Variants in DIP2C observed in about 807,000 individuals in gnomAD.
DIP2C encodes disco-interacting protein 2 homolog C.
Under a neutral mutation model 192.4 loss-of-function variants are expected in DIP2C, and 33 were observed. The ratio of observed to expected loss-of-function variants is 0.17; its 90% CI spans 0.13 to 0.23. The LOEUF (loss-of-function observed/expected upper bound fraction) is 0.23. DIP2C is among the 10% of genes least tolerant of loss of function. The probability of loss-of-function intolerance (pLI) is 1.00; values close to 1 mark genes in which losing one functional copy is unlikely to be tolerated. For missense variants in DIP2C, 1,537 were observed against 2,110.1 expected, an observed-to-expected ratio of 0.73 and a Z score of 5.32; for synonymous variants, 979 against 864.1, an observed-to-expected ratio of 1.13 and a Z score of -2.33.
chr10:527,595 CAG>C (rs1847128037), intron 1 of DIP2C, among the ~76,000 whole-genome samples: 2 of 152,080 alleles, frequency 1.3e-5, no homozygotes, highest in African/African-American at 4.8e-5. Flanking sequence ...GTCAAATAAC[CAG>C]AGATGTAAAT....
chr10:588,728 G>T (rs377259724), intron 1 of DIP2C, among the ~76,000 whole-genome samples: 1 of 152,186 alleles, frequency 6.6e-6, no homozygotes, highest in Non-Finnish European at 1.5e-5. Context: ...AGGCGGGGAG[G>T]GTGGTGCCTG....
chr10:617,813 G>A (rs973882712), intron 1 of DIP2C, among the ~76,000 whole-genome samples: 2 of 151,848 alleles, frequency 1.3e-5, no homozygotes, highest in South Asian at 2.1e-4. Flanking sequence ...AGGCTCTGGT[G>A]GGTAACCGCC....
intron 17 of DIP2C, among the ~76,000 whole-genome samples, chr10:377,145 T>TG (rs1394741882): frequency 2.0e-5 from 3 of 151,730 alleles, no homozygotes; most frequent in Admixed American, 6.6e-5. Context: ...AGCGCAGTTT[T>TG]TTTTTTTTTT....
At chr10:471,341 A>C (rs1468911087) in intron 3 of DIP2C, among the ~76,000 whole-genome samples, 1 of 152,170 alleles carries the variant, frequency 6.6e-6, no homozygotes, top group Non-Finnish European at 1.5e-5. Context: ...AGAAGCAGCT[A>C]ATCACATGAG....
Position 651,235 on chromosome 10 carries a change from G to A in DIP2C, c.85+38259C>T. On this transcript the variant is annotated intron_variant, in intron 1 of 36. Coordinates refer to ENST00000280886, the MANE Select transcript of DIP2C (RefSeq NM_014974.3). This position sits in a 1 kb window ranked among gnomAD's most constrained non-coding sequence, Gnocchi z 4.1. Reference sequence around the variant, plus strand: ...TCCTCACCTGCATCACACCAATGATGGCGTCACAGCGTGGGTTCCGGTCAC... The same window carrying A: ...TCCTCACCTGCATCACACCAATGATAGCGTCACAGCGTGGGTTCCGGTCAC... The A allele has an allele frequency of 1.4e-6, 1 of 716,716 alleles. No individual in the cohort carries two copies. The allele number at this position is 716,716 out of a possible 1,614,324, so 44.4% of individuals were successfully genotyped here. A position where few individuals can be genotyped will look rare whatever the true frequency, so the allele number is the denominator to read the frequency against.
At chr10:343,780 G>A (rs1589546402) in intron 28 of DIP2C, among the ~76,000 whole-genome samples, 1 of 152,350 alleles carries the variant, frequency 6.6e-6, no homozygotes, top group South Asian at 2.1e-4. Flanking sequence ...TCTAGGTGGA[G>A]AATTCAGTTC....
intron 9 of DIP2C, among the ~76,000 whole-genome samples, chr10:406,718 C>T (rs987551322): frequency 1.3e-5 from 2 of 152,082 alleles, no homozygotes; most frequent in African/African-American, 4.8e-5. Context: ...AAATTAGCTA[C>T]AAGATTAGAA....
At chr10:461,183 C>T (rs1969744407) in intron 3 of DIP2C, among the ~76,000 whole-genome samples, 2 of 152,184 alleles carry the variant, frequency 1.3e-5, no homozygotes, top group Admixed American at 6.5e-5. Context: ...ATGACAGGAT[C>T]GAATTCACAC....
chr10:305,702 C>T (rs1206419684), intron 32 of DIP2C, among the ~76,000 whole-genome samples: 1 of 152,120 alleles, frequency 6.6e-6, no homozygotes, highest in Non-Finnish European at 1.5e-5. Flanking sequence ...TGGAGTGCAG[C>T]GGTGTGATCA....
chr10:300,571 T>G (rs1365216472), intron 32 of DIP2C, among the ~76,000 whole-genome samples: 2 of 151,740 alleles, frequency 1.3e-5, no homozygotes, highest in Admixed American at 6.6e-5. Context: ...CCTGCGTGTG[T>G]GGAGAAACCG....
chr10:485,619 G>C (rs535616134), intron 2 of DIP2C, among the ~76,000 whole-genome samples: 4 of 152,184 alleles, frequency 2.6e-5, no homozygotes, highest in Non-Finnish European at 5.9e-5. Context: ...AACAGGACCC[G>C]GACGGGCCTC....
At chr10:624,206 G>A (rs117992888) in intron 1 of DIP2C, among the ~76,000 whole-genome samples, 4,035 of 152,292 alleles carry the variant, frequency 0.026, 91 homozygotes, top group South Asian at 0.043. Context: ...GGTCCCAAGC[G>A]GGGAAGGCCT....
At chr10:546,991 T>C (rs1848317840) in intron 1 of DIP2C, among the ~76,000 whole-genome samples, 1 of 152,222 alleles carries the variant, frequency 6.6e-6, no homozygotes, top group Non-Finnish European at 1.5e-5. Flanking sequence ...TGGCAGAGTT[T>C]GTAAGTCATT....
chr10:335,156 G>A (rs950162733), intron 29 of DIP2C, among the ~76,000 whole-genome samples: 4 of 152,176 alleles, frequency 2.6e-5, no homozygotes, highest in East Asian at 1.9e-4. Flanking sequence ...ATATGTCTCA[G>A]ATAAACAATC....
At chr10:579,741 G>A (rs963149620) in intron 1 of DIP2C, among the ~76,000 whole-genome samples, 7 of 151,576 alleles carry the variant, frequency 4.6e-5, no homozygotes, top group Admixed American at 3.3e-4. Context: ...GCATACATAG[G>A]TACACTATAA....
chr10:589,948 G>A (rs978678476), intron 1 of DIP2C, among the ~76,000 whole-genome samples: 3 of 152,228 alleles, frequency 2.0e-5, no homozygotes, highest in Admixed American at 6.5e-5. Context: ...AGAAGCGTGT[G>A]ATAAGTTACA....
chr10:575,785 C>G (rs755405755), intron 1 of DIP2C, among the ~76,000 whole-genome samples: 7 of 151,938 alleles, frequency 4.6e-5, no homozygotes, highest in Admixed American at 2.0e-4. Context: ...GCCAGGGGCA[C>G]AGTTTCCTCC....
At chr10:284,628 C>A (rs1480697210) in intron 34 of DIP2C, among the ~76,000 whole-genome samples, 1 of 152,140 alleles carries the variant, frequency 6.6e-6, no homozygotes. Flanking sequence ...AGGGTGCAAA[C>A]CCTCAGTTAG....
chr10:338,098 C>T (rs1957956720), intron 29 of DIP2C, among the ~76,000 whole-genome samples: 1 of 152,148 alleles, frequency 6.6e-6, no homozygotes, highest in Non-Finnish European at 1.5e-5. Context: ...TAGAAAGCAG[C>T]TTATAAAGGA....
Sources: allele counts gnomAD v4.1 joint callset (sites outside exome capture counted in the v4.1 genomes callset), GRCh38; gene constraint gnomAD v4.1.1; non-coding constraint Gnocchi (gnomAD v3.1); transcripts MANE v1.5; gene names NCBI Gene and HGNC (gene_info 2026-07-23, HGNC 2026-07-21).